FOCAD: variants seen among roughly 807,000 people sequenced by gnomAD.
FOCAD encodes focadhesin.
In FOCAD, 198 loss-of-function variants were observed where a neutral mutation model predicts 225.6. That is an observed-to-expected ratio of 0.88 (90% confidence interval 0.78 to 0.99). The LOEUF is 0.99. Ranked by LOEUF, FOCAD falls within the 50% of genes least tolerant of loss-of-function variation. The pLI is 0.00. For missense variants in FOCAD, 2,713 were observed against 2,123.6 expected, an observed-to-expected ratio of 1.28 and a Z score of -5.46; for synonymous variants, 897 against 755.0, an observed-to-expected ratio of 1.19 and a Z score of -3.08.
upstream of FOCAD, among the ~76,000 whole-genome samples, chr9:20,680,085 T>G (rs1055310904): frequency 6.6e-6 from 1 of 152,216 alleles, no homozygotes; most frequent in African/African-American, 2.4e-5. Context: ...TAACTATAAA[T>G]TGTAGCTACA....
At chr9:20,796,063 TG>T (rs781399160) in intron 11 of FOCAD, among the ~76,000 whole-genome samples, 11 of 142,794 alleles carry the variant, frequency 7.7e-5, no homozygotes, top group Non-Finnish European at 1.5e-4. Context: ...GAACATGCGG[TG>T]TTTGGTTTTT....
At chr9:20,703,412 C>G (rs1325739813) in intron 1 of FOCAD, among the ~76,000 whole-genome samples, 1 of 152,046 alleles carries the variant, frequency 6.6e-6, no homozygotes, top group African/African-American at 2.4e-5. Flanking sequence ...AGACCAGAAC[C>G]TTTTGGCCTT....
chr9:20,897,308 C>T (rs899840756), intron 21 of FOCAD, among the ~76,000 whole-genome samples: 2 of 151,688 alleles, frequency 1.3e-5, no homozygotes, highest in African/African-American at 4.8e-5. Flanking sequence ...TTCTTGTAGA[C>T]AACATGTAGT....
At chr9:20,978,956 A>G (rs951394757) in intron 37 of FOCAD, among the ~76,000 whole-genome samples, 1 of 152,214 alleles carries the variant, frequency 6.6e-6, no homozygotes. Context: ...GGAGAGCATG[A>G]AAGATCTCTA....
At chr9:20,914,044 C>T (rs1317347107) in intron 23 of FOCAD, among the ~76,000 whole-genome samples, 2 of 150,194 alleles carry the variant, frequency 1.3e-5, no homozygotes, top group Non-Finnish European at 3.0e-5. Flanking sequence ...GCAGGTGGAT[C>T]ATTTGAGCCC....
At chr9:20,941,414 G>A (rs1055196561) in intron 28 of FOCAD, among the ~76,000 whole-genome samples, 20 of 152,146 alleles carry the variant, frequency 1.3e-4, no homozygotes, top group African/African-American at 2.7e-4. Flanking sequence ...AGGGCAAAGC[G>A]CTATATAAAT....
chr9:20,858,736 A>C (rs1008873581), intron 15 of FOCAD, among the ~76,000 whole-genome samples: 1 of 152,066 alleles, frequency 6.6e-6, no homozygotes, highest in Non-Finnish European at 1.5e-5. Flanking sequence ...ATTGGTATCA[A>C]CTTTCCTCTT....
chr9:20,821,615 G>A (rs1824331605), intron 14 of FOCAD, among the ~76,000 whole-genome samples: 1 of 152,050 alleles, frequency 6.6e-6, no homozygotes, highest in Non-Finnish European at 1.5e-5. Flanking sequence ...TTAATAAACA[G>A]GGTGGAGGTG....
At chr9:20,976,880 A>G (rs1276414503) in intron 36 of FOCAD, among the ~76,000 whole-genome samples, 2 of 152,174 alleles carry the variant, frequency 1.3e-5, no homozygotes, top group Non-Finnish European at 2.9e-5. Flanking sequence ...TTCGAGAAGT[A>G]CCATGTGGGA....
chr9:20,760,493 C>A (rs1829487454), intron 6 of FOCAD, among the ~76,000 whole-genome samples: 1 of 152,182 alleles, frequency 6.6e-6, no homozygotes, highest in South Asian at 2.1e-4. Context: ...GCCTTGTGTT[C>A]CACACAGGAA....
intron 1 of FOCAD, among the ~76,000 whole-genome samples, chr9:20,708,704 A>C (rs1191118554): frequency 6.6e-6 from 1 of 151,804 alleles, no homozygotes; most frequent in African/African-American, 2.4e-5. Context: ...TGAGCCCTGG[A>C]GTTTGAGGCT....
intron 39 of FOCAD, among the ~76,000 whole-genome samples, chr9:20,983,315 T>C (rs945206955): frequency 6.6e-6 from 1 of 152,140 alleles, no homozygotes; most frequent in African/African-American, 2.4e-5. Flanking sequence ...GGCTCACGCC[T>C]GTAATCCCAG....
Position 20,970,227 on chromosome 9 carries a change from T to A in FOCAD, c.4133-6193T>A, listed in dbSNP as rs544982813. On this transcript the variant is annotated intron_variant, in intron 35 of 43. Transcript: ENST00000338382. ...GACTTTGTTGAGCTTCTTGAATGTA[T>A]GGATTTGTGTCTTTTTTATTAAATT... 3.9e-5 allele frequency among the ~76,000 whole-genome samples: 6 copies of A among 152,244 alleles called. No individual in the cohort carries two copies. The South Asian group carries it at 1.2e-3, about 32-fold the overall frequency.
At chr9:20,660,365 A>G (rs1821678038) in intron 2 of FOCAD, among the ~76,000 whole-genome samples, 1 of 152,166 alleles carries the variant, frequency 6.6e-6, no homozygotes, top group African/African-American at 2.4e-5. Flanking sequence ...AAAATACCCA[A>G]AGTTACTCTC....
intron 1 of FOCAD, among the ~76,000 whole-genome samples, chr9:20,685,196 A>T (rs938187074): frequency 2.0e-4 from 29 of 143,114 alleles, no homozygotes; most frequent in African/African-American, 3.4e-4. Flanking sequence ...TGAGTTGGAA[A>T]TTTTTTTTTT....
At chr9:20,914,074 G>C (rs1833670934) in intron 23 of FOCAD, among the ~76,000 whole-genome samples, 1 of 151,340 alleles carries the variant, frequency 6.6e-6, no homozygotes, top group East Asian at 1.9e-4. Context: ...AGGCCAGCTT[G>C]GGCAACATGG....
intron 4 of FOCAD, among the ~76,000 whole-genome samples, chr9:20,738,932 T>C (rs950251074): frequency 6.6e-6 from 1 of 152,208 alleles, no homozygotes; most frequent in Non-Finnish European, 1.5e-5. Flanking sequence ...TAATATTCTT[T>C]TTTTTGTGTC....
At chr9:20,825,370 T>A (rs1564036322) in intron 15 of FOCAD, among the ~76,000 whole-genome samples, 1 of 152,072 alleles carries the variant, frequency 6.6e-6, no homozygotes. Flanking sequence ...GTTTTCTAAT[T>A]GATATCATGT....
chr9:20,928,532 T>C (rs1316449715), intron 26 of FOCAD, among the ~76,000 whole-genome samples: 1 of 152,200 alleles, frequency 6.6e-6, no homozygotes, highest in Non-Finnish European at 1.5e-5. Context: ...CGGGCTTTCT[T>C]TCCCACTTGA....
Sources: gnomAD v4.1 joint callset for allele counts (sites outside exome capture counted in the v4.1 genomes callset) on GRCh38, gnomAD v4.1.1 for gene constraint, MANE v1.5 for transcripts, NCBI Gene and HGNC (gene_info 2026-07-23, HGNC 2026-07-21) for gene names.